ZFHX3: variants seen among roughly 807,000 people sequenced by gnomAD.
ZFHX3 encodes zinc finger homeobox protein 3.
In ZFHX3, 42 loss-of-function variants were observed where a neutral mutation model predicts 279.1. The ratio of observed to expected loss-of-function variants is 0.15; its 90% CI spans 0.12 to 0.19. The LOEUF (loss-of-function observed/expected upper bound fraction) is 0.19. Ranked by LOEUF, ZFHX3 falls within the 10% of genes least tolerant of loss-of-function variation. The pLI is 1.00. For missense variants in ZFHX3, 4,981 were observed against 4,754.0 expected (o/e 1.05, Z -1.40); for synonymous variants, 2,293 against 1,957.8 (o/e 1.17, Z -4.52).
At chr16:73,485,709 G>A (rs4888373) in intron 2 of ZFHX3, among the ~76,000 whole-genome samples, 50,198 of 151,872 alleles carry the variant, frequency 0.33, 9,262 homozygotes, top group African/African-American at 0.49. Context: ...CCCTCTGCCC[G>A]CTGGATGTCC....
At chr16:73,531,644 G>T (rs974592596) in intron 2 of ZFHX3, among the ~76,000 whole-genome samples, 5 of 145,996 alleles carry the variant, frequency 3.4e-5, no homozygotes, top group Admixed American at 2.9e-4. Flanking sequence ...GAGCCCATGA[G>T]CTAGAGGTTA....
intron 4 of ZFHX3, among the ~76,000 whole-genome samples, chr16:73,296,877 A>ATT (rs201366558): frequency 8.6e-5 from 10 of 116,080 alleles, no homozygotes; most frequent in African/African-American, 1.0e-4. Flanking sequence ...TGAAGCAGGA[A>ATT]TTTTTTTTTT....
At position 72,793,418 on chromosome 16, in the gene ZFHX3, G is replaced by A. The variant is rs759659910; in HGVS notation, c.9264C>T (p.Asn3088=). The change falls in exon 9 of 10, where the codon AAC becomes AAT. Residue 3088 remains asparagine, a synonymous_variant. Transcript: ENST00000268489. This position sits in a 1 kb window ranked among gnomAD's most constrained non-coding sequence, Gnocchi z 4.3. ...GCTGAGCTGCCAGTCCAAGGACCTC[G>A]TTGGCCTTTTTAATCCGGTCCAACT... ...QQELDRIKKA[N]EVLGLAAQQQ... is the part of the protein sequence containing the mutation. 8.1e-6 allele frequency: 13 copies of A among 1,614,062 alleles called. No homozygotes were observed. The highest frequency in any genetic ancestry group is 1.6e-4 in the Middle Eastern group (1 of 6,084).
At chr16:73,417,240 C>A (rs1124494) in intron 3 of ZFHX3, among the ~76,000 whole-genome samples, 134,519 of 151,966 alleles carry the variant, frequency 0.89, 59,762 homozygotes, top group African/African-American at 0.96. Context: ...ATTAAGGGAG[C>A]TGAAGGAAAC....
At chr16:73,234,038 A>T (rs1567425510) in intron 5 of ZFHX3, 1 of 152,092 alleles carries the variant, frequency 6.6e-6, no homozygotes, top group Non-Finnish European at 1.5e-5. Context: ...CTGTGTCTGC[A>T]GTGTGTGTGT....
At chr16:72,803,257 G>C (rs188031228) in intron 7 of ZFHX3, among the ~76,000 whole-genome samples, 90 of 152,258 alleles carry the variant, frequency 5.9e-4, no homozygotes, top group Non-Finnish European at 1.1e-3. Flanking sequence ...GCTTGAACCC[G>C]GGAGGCAGAG....
At chr16:73,435,707 C>T (rs955596427) in intron 3 of ZFHX3, among the ~76,000 whole-genome samples, 14 of 152,324 alleles carry the variant, frequency 9.2e-5, no homozygotes, top group African/African-American at 1.4e-4. Flanking sequence ...GTTCCCATTT[C>T]GTGTCTCACC....
chr16:73,150,224 A>T (rs1400272684), intron 5 of ZFHX3, among the ~76,000 whole-genome samples: 1 of 152,152 alleles, frequency 6.6e-6, no homozygotes, highest in Non-Finnish European at 1.5e-5. Flanking sequence ...CAAGGTGCAT[A>T]GGGGCTGGCC....
At chr16:73,049,471 C>T (rs1965409833), upstream of ZFHX3, among the ~76,000 whole-genome samples, 1 of 152,188 alleles carries the variant, frequency 6.6e-6, no homozygotes, top group Non-Finnish European at 1.5e-5. Flanking sequence ...CATCACATCC[C>T]CGTATAGAAG....
intron 2 of ZFHX3, among the ~76,000 whole-genome samples, chr16:73,639,856 G>C (rs535054650): frequency 6.6e-6 from 1 of 152,060 alleles, no homozygotes; most frequent in Non-Finnish European, 1.5e-5. Context: ...AAATCTTTAA[G>C]GAAAAAAAGC....
At chr16:73,239,901 G>C (rs547354158) in intron 5 of ZFHX3, among the ~76,000 whole-genome samples, 1 of 152,148 alleles carries the variant, frequency 6.6e-6, no homozygotes, top group Admixed American at 6.6e-5. Flanking sequence ...CCGAACCATC[G>C]CTCCTAGGGG....
intron 3 of ZFHX3, among the ~76,000 whole-genome samples, chr16:73,453,193 G>A (rs1000612250): frequency 6.6e-5 from 10 of 152,184 alleles, no homozygotes; most frequent in South Asian, 2.1e-4. Flanking sequence ...CTGGGTTGTC[G>A]GTTGGCCCTC....
intron 9 of ZFHX3, chr16:72,789,052 C>A (rs747448430): frequency 1.1e-4 from 54 of 506,328 alleles, no homozygotes; most frequent in Non-Finnish European, 1.6e-4. Context: ...AGTCCTAGGT[C>A]AGCTCCCATA....
At position 73,115,481 on chromosome 16, in the gene ZFHX3, T is replaced by C. The variant is rs1034966356; in HGVS notation, c.-897+15487A>G. Among the ~76,000 whole-genome samples, 5 of 149,794 alleles carry C rather than the reference T, an allele frequency of 3.3e-5. No individual in the cohort carries two copies. The Admixed American group carries it at 3.4e-4, about 10-fold the overall frequency. On this transcript the variant is annotated intron_variant, in intron 7 of 17. Coordinates refer to the ZFHX3 transcript ENST00000641206. ...GGGAGGATTGCTTGAACCTGGGAGG[T>C]CGAGGCTGCAGTGAACCGGGATCAT...
chr16:73,608,779 T>C (rs2052216594), intron 2 of ZFHX3: 1 of 152,310 alleles, frequency 6.6e-6, no homozygotes, highest in Middle Eastern at 3.4e-3. Flanking sequence ...TCTTGCTTAA[T>C]AGCATCCAGA....
chr16:73,791,487 C>T (rs2142314894), intron 1 of ZFHX3, among the ~76,000 whole-genome samples: 1 of 152,164 alleles, frequency 6.6e-6, no homozygotes, highest in Admixed American at 6.5e-5. Context: ...TGCAGCGGCG[C>T]CATCTTGGCT....
intron 2 of ZFHX3, among the ~76,000 whole-genome samples, chr16:73,515,393 A>C (rs1213140087): frequency 6.6e-6 from 1 of 152,042 alleles, no homozygotes; most frequent in Admixed American, 6.6e-5. Context: ...GGTAGGGCTT[A>C]AACTAGGATG....
At chr16:73,798,284 G>A (rs936144664) in intron 1 of ZFHX3, among the ~76,000 whole-genome samples, 1 of 151,972 alleles carries the variant, frequency 6.6e-6, no homozygotes, top group Non-Finnish European at 1.5e-5. Flanking sequence ...GGGTGGGGAG[G>A]CGGAATTCTC....
intron 1 of ZFHX3, among the ~76,000 whole-genome samples, chr16:73,789,251 A>T (rs898001789): frequency 6.6e-6 from 1 of 151,682 alleles, no homozygotes; most frequent in Non-Finnish European, 1.5e-5. Flanking sequence ...TGTGATATCA[A>T]CTCACTATAA....
Sources: gnomAD v4.1 joint callset for allele counts (sites outside exome capture counted in the v4.1 genomes callset) on GRCh38, gnomAD v4.1.1 for gene constraint, Gnocchi (gnomAD v3.1) non-coding constraint, MANE v1.5 for transcripts, NCBI Gene and HGNC (gene_info 2026-07-23, HGNC 2026-07-21) for gene names.